CDH12: variants seen among roughly 807,000 people sequenced by gnomAD.
The protein encoded by CDH12 is cadherin-12.
A neutral mutation model predicts 74.1 loss-of-function variants in CDH12; 41 were observed. That is an observed-to-expected ratio of 0.55 (90% CI 0.43 to 0.72). The LOEUF (loss-of-function observed/expected upper bound fraction) is 0.72. Among genes scored for constraint, CDH12 ranks in the 30% least tolerant of loss-of-function variants. The probability of loss-of-function intolerance (pLI) is 0.00; values close to 1 mark genes in which losing one functional copy is unlikely to be tolerated. For synonymous variants in CDH12, 399 were observed against 355.0 expected (o/e 1.12, Z -1.39); for missense variants, 945 against 977.2 (o/e 0.97, Z 0.44).
At chr5:22,723,091 A>G (rs1743981876) in intron 1 of CDH12, among the ~76,000 whole-genome samples, 1 of 152,180 alleles carries the variant, frequency 6.6e-6, no homozygotes, top group South Asian at 2.1e-4. Context: ...CTACTGTAAA[A>G]AATGTAATTG....
intron 1 of CDH12, among the ~76,000 whole-genome samples, chr5:22,830,690 A>G (rs10060539): frequency 6.6e-6 from 1 of 151,282 alleles, no homozygotes; most frequent in African/African-American, 2.4e-5. Flanking sequence ...CATTTTTCAA[A>G]TTGCCTTTAG....
chr5:21,931,848 T>C (rs10057401), intron 6 of CDH12, among the ~76,000 whole-genome samples: 2,005 of 152,262 alleles, frequency 0.013, 48 homozygotes, highest in African/African-American at 0.044. Flanking sequence ...TTTAACCTCA[T>C]TAGTAAAGAT....
chr5:22,192,542 C>A (rs1461553834), intron 4 of CDH12, among the ~76,000 whole-genome samples: 3 of 151,936 alleles, frequency 2.0e-5, no homozygotes, highest in Non-Finnish European at 4.4e-5. Flanking sequence ...GCCCTATGGA[C>A]AGCATGGATA....
chr5:22,236,947 G>A (rs944338952), intron 3 of CDH12, among the ~76,000 whole-genome samples: 1 of 141,568 alleles, frequency 7.1e-6, no homozygotes, highest in Non-Finnish European at 1.6e-5. Flanking sequence ...CCTGCTTGAG[G>A]CTGTTTTATG....
chr5:22,059,473 T>C (rs1425705856), intron 5 of CDH12, among the ~76,000 whole-genome samples: 1 of 152,124 alleles, frequency 6.6e-6, no homozygotes, highest in Non-Finnish European at 1.5e-5. Flanking sequence ...TTTGTGAAAG[T>C]AAGCTGACTT....
intron 3 of CDH12, among the ~76,000 whole-genome samples, chr5:22,227,152 T>C (rs777984689): frequency 2.6e-5 from 4 of 152,114 alleles, no homozygotes; most frequent in African/African-American, 4.8e-5. Flanking sequence ...GACTTCCTAA[T>C]TGCATGACAC....
At chr5:22,409,346 A>G (rs1416405994) in intron 2 of CDH12, among the ~76,000 whole-genome samples, 1 of 152,098 alleles carries the variant, frequency 6.6e-6, no homozygotes, top group African/African-American at 2.4e-5. Context: ...GTCTGAGTGC[A>G]TATACAAAGA....
At chr5:22,404,297 C>T (rs1278008114) in intron 3 of CDH12, among the ~76,000 whole-genome samples, 2 of 151,944 alleles carry the variant, frequency 1.3e-5, no homozygotes, top group African/African-American at 4.8e-5. Flanking sequence ...TAAAGTTTTG[C>T]TTAGAATAAA....
intron 5 of CDH12, among the ~76,000 whole-genome samples, chr5:22,053,018 AATG>A (rs1195200356): frequency 3.3e-5 from 5 of 151,974 alleles, no homozygotes; most frequent in Admixed American, 6.6e-5. Flanking sequence ...TTACTTATTG[AATG>A]ATGATATATT....
chr5:22,772,236 A>T (rs1338712891), intron 1 of CDH12, among the ~76,000 whole-genome samples: 1 of 152,056 alleles, frequency 6.6e-6, no homozygotes, highest in Non-Finnish European at 1.5e-5. Flanking sequence ...GTTTTGAGAG[A>T]TCATTCACAA....
intron 6 of CDH12, among the ~76,000 whole-genome samples, chr5:21,875,588 T>TTGTA (rs1196581602): frequency 6.5e-3 from 8 of 1,234 alleles, no homozygotes; most frequent in African/African-American, 8.6e-3. Context: ...CAGTGCCAAT[T>TTGTA]ACTGACATGT....
At chr5:22,455,378 T>A (rs1745221303) in intron 2 of CDH12, among the ~76,000 whole-genome samples, 1 of 152,240 alleles carries the variant, frequency 6.6e-6, no homozygotes, top group Non-Finnish European at 1.5e-5. Context: ...AAACAAGTGA[T>A]GTTTAAAAAT....
chr5:22,028,348 A>G (rs1028695272), intron 5 of CDH12, among the ~76,000 whole-genome samples: 1 of 152,128 alleles, frequency 6.6e-6, no homozygotes, highest in African/African-American at 2.4e-5. Context: ...ACATGATTGT[A>G]TATCTAGAAA....
At chr5:22,718,810 T>G (rs142771571) in intron 1 of CDH12, among the ~76,000 whole-genome samples, 82 of 152,306 alleles carry the variant, frequency 5.4e-4, no homozygotes, top group African/African-American at 1.8e-3. Flanking sequence ...GGGGCATTCC[T>G]CTGTGTATTG....
chr5:22,098,751 C>A (rs535760562), intron 4 of CDH12, among the ~76,000 whole-genome samples: 1 of 152,238 alleles, frequency 6.6e-6, no homozygotes, highest in East Asian at 1.9e-4. Flanking sequence ...TCCCTCTGAT[C>A]CACCTGACAT....
intron 3 of CDH12, among the ~76,000 whole-genome samples, chr5:22,399,190 G>GTATCTATCTATCTATC (rs3039455): frequency 2.7e-4 from 40 of 148,072 alleles, no homozygotes; most frequent in Non-Finnish European, 2.1e-4. Context: ...AATCTACCCA[G>GTATCTATCTATCTATC]TATCTATCTA....
intron 1 of CDH12, among the ~76,000 whole-genome samples, chr5:22,563,122 A>T (rs1391880357): frequency 6.7e-6 from 1 of 149,934 alleles, no homozygotes. Context: ...TAGGAGGAAA[A>T]CCTAAGCTCA....
chr5:22,365,731 G>A (rs1741001699), intron 3 of CDH12, among the ~76,000 whole-genome samples: 1 of 152,228 alleles, frequency 6.6e-6, no homozygotes, highest in South Asian at 2.1e-4. Context: ...TGTTTTGAAC[G>A]ACTTCCCTCA....
At chr5:22,695,450 A>G (rs1742310862) in intron 1 of CDH12, among the ~76,000 whole-genome samples, 2 of 152,196 alleles carry the variant, frequency 1.3e-5, no homozygotes, top group Non-Finnish European at 2.9e-5. Context: ...CAGAGACATC[A>G]GAAATAACAC....
Sources: gnomAD v4.1 joint callset for allele counts (sites outside exome capture counted in the v4.1 genomes callset) on GRCh38, gnomAD v4.1.1 for gene constraint, MANE v1.5 for transcripts, NCBI Gene and HGNC (gene_info 2026-07-23, HGNC 2026-07-21) for gene names.